Variants in RIMS2 observed in about 807,000 individuals in gnomAD.
RIMS2 encodes regulating synaptic membrane exocytosis protein 2.
RIMS2 carries 59 observed loss-of-function variants against 174.4 expected under a neutral mutation model. The ratio of observed to expected loss-of-function variants is 0.34; its 90% CI spans 0.27 to 0.42. The LOEUF (loss-of-function observed/expected upper bound fraction) is 0.42, where lower values mean the gene tolerates loss of function less well. Among genes scored for constraint, RIMS2 ranks in the 10% least tolerant of loss-of-function variants. The probability of loss-of-function intolerance (pLI) is 1.00; values close to 1 mark genes in which losing one functional copy is unlikely to be tolerated. For synonymous variants in RIMS2, 606 were observed against 572.5 expected, an observed-to-expected ratio of 1.06 and a Z score of -0.84; for missense variants, 1,620 against 1,666.3, an observed-to-expected ratio of 0.97 and a Z score of 0.48.
rs2081336827 is a variant in RIMS2, at chr8:103,936,771, C to A, written c.2547+49C>A. ...TATGCTATTCATGTTATCCTGAATA[C>A]TTTTATTTATATAACTGTCAGTATA... is the stretch of plus-strand genomic sequence containing the variant. On this transcript the variant is annotated intron_variant, in intron 13 of 23. Coordinates refer to ENST00000504942, the Ensembl canonical transcript of RIMS2. The A allele has an allele frequency of 3.8e-6, 5 of 1,322,500 alleles. No individual in the cohort carries two copies. The East Asian group carries it at 1.2e-4, about 33-fold the overall frequency. The allele number at this position is 1,322,500 out of a possible 1,614,324, so 81.9% of individuals were successfully genotyped here.
chr8:103,572,040 C>T (rs1385595375), intron 1 of RIMS2, among the ~76,000 whole-genome samples: 1 of 152,048 alleles, frequency 6.6e-6, no homozygotes, highest in Non-Finnish European at 1.5e-5. Flanking sequence ...AGCCACGGAC[C>T]CTCGCAGTGA....
chr8:103,644,068 T>C (rs956053571), intron 1 of RIMS2, among the ~76,000 whole-genome samples: 3 of 151,988 alleles, frequency 2.0e-5, no homozygotes, highest in African/African-American at 7.2e-5. Flanking sequence ...TTTTCTCTGA[T>C]TTTCACCGAG....
Position 103,916,557 on chromosome 8 carries a change from TTA to T in RIMS2, c.2036+24_2036+25del. ...TATTGGGTAAGTTGGTTTCAGTATT[TTA>T]TATGTGTGTGAAGTTGAATAGTGTT... On this transcript the variant is annotated intron_variant, in intron 8 of 23. Coordinates refer to ENST00000504942, the Ensembl canonical transcript of RIMS2. 6.3e-7 allele frequency: 1 copy of T among 1,588,248 alleles called. No individual in the cohort carries two copies. Among genetic ancestry groups the T allele is most frequent in the Non-Finnish European group, 8.6e-7 (1 of 1,168,638 alleles).
At chr8:103,607,197 G>C (rs758375687) in intron 1 of RIMS2, among the ~76,000 whole-genome samples, 2 of 152,084 alleles carry the variant, frequency 1.3e-5, no homozygotes, top group Non-Finnish European at 1.5e-5. Context: ...GGCAGGCCTC[G>C]TGGTGACAAA....
chr8:103,637,912 T>C (rs1483342364), intron 1 of RIMS2, among the ~76,000 whole-genome samples: 1 of 152,192 alleles, frequency 6.6e-6, no homozygotes, highest in Admixed American at 6.5e-5. Flanking sequence ...TGAAGAATAC[T>C]GGTGAAAGTT....
intron 19 of RIMS2, among the ~76,000 whole-genome samples, chr8:104,203,368 A>G (rs1023854810): frequency 6.6e-6 from 1 of 152,154 alleles, no homozygotes; most frequent in African/African-American, 2.4e-5. Flanking sequence ...ACCCAAACAC[A>G]GAAACCTATT....
intron 3 of RIMS2, among the ~76,000 whole-genome samples, chr8:103,822,439 C>T (rs1488915085): frequency 6.6e-6 from 1 of 151,534 alleles, no homozygotes; most frequent in Non-Finnish European, 1.5e-5. Context: ...TGTCATAAGT[C>T]CCCAAAGTGG....
intron 19 of RIMS2, among the ~76,000 whole-genome samples, chr8:104,135,127 A>T (rs1055168932): frequency 2.6e-5 from 4 of 152,190 alleles, no homozygotes; most frequent in Admixed American, 2.6e-4. Flanking sequence ...TTTCTCTATG[A>T]AATGTAAGGA....
At chr8:103,646,225 C>G (rs149016151) in intron 1 of RIMS2, among the ~76,000 whole-genome samples, 1 of 152,074 alleles carries the variant, frequency 6.6e-6, no homozygotes, top group East Asian at 1.9e-4. Context: ...GAGCAGGCCA[C>G]AGGGGATATG....
intron 2 of RIMS2, among the ~76,000 whole-genome samples, chr8:103,709,348 T>A (rs1019208037): frequency 2.3e-4 from 35 of 151,690 alleles, no homozygotes; most frequent in African/African-American, 8.5e-4. Flanking sequence ...GGGTTTTTTT[T>A]TTTTTTTTGT....
chr8:103,886,261 A>G (rs1389680448), intron 4 of RIMS2, 38 bp downstream of exon 7: 2 of 1,531,470 alleles, frequency 1.3e-6, no homozygotes, highest in Non-Finnish European at 8.8e-7. Context: ...GTAATTGATT[A>G]GATAAGCGTT....
intron 1 of RIMS2, among the ~76,000 whole-genome samples, chr8:103,578,690 T>C (rs1016086721): frequency 3.3e-5 from 5 of 151,822 alleles, no homozygotes; most frequent in Non-Finnish European, 5.9e-5. Flanking sequence ...AAGGAAAAAA[T>C]CTGCTGTTTT....
At chr8:103,821,246 A>G (rs1187866960) in intron 3 of RIMS2, among the ~76,000 whole-genome samples, 1 of 151,610 alleles carries the variant, frequency 6.6e-6, no homozygotes, top group Admixed American at 6.6e-5. Flanking sequence ...CATGCCTATA[A>G]TTTCAGTAAG....
At chr8:103,524,079 T>G (rs1832895782) in intron 1 of RIMS2, among the ~76,000 whole-genome samples, 1 of 152,194 alleles carries the variant, frequency 6.6e-6, no homozygotes, top group African/African-American at 2.4e-5. Context: ...TAAAGATTTA[T>G]AGTTTCAGAG....
intron 1 of RIMS2, among the ~76,000 whole-genome samples, chr8:103,622,036 T>G (rs2095647356): frequency 6.6e-6 from 1 of 152,188 alleles, no homozygotes; most frequent in Non-Finnish European, 1.5e-5. Flanking sequence ...GTATCATTTT[T>G]TAAAATTATC....
chr8:103,956,765 C>T (rs2087398702), intron 14 of RIMS2, among the ~76,000 whole-genome samples: 1 of 152,140 alleles, frequency 6.6e-6, no homozygotes, highest in Non-Finnish European at 1.5e-5. Flanking sequence ...TCTGACTAAA[C>T]TAAAGGGCTT....
intron 19 of RIMS2, among the ~76,000 whole-genome samples, chr8:104,112,721 G>T (rs965609662): frequency 6.6e-6 from 1 of 152,154 alleles, no homozygotes; most frequent in African/African-American, 2.4e-5. Flanking sequence ...TGAAATTTTA[G>T]GTTCATGGGA....
intron 19 of RIMS2, among the ~76,000 whole-genome samples, chr8:104,212,554 A>G (rs1244968996): frequency 6.6e-6 from 1 of 152,192 alleles, no homozygotes; most frequent in Non-Finnish European, 1.5e-5. Flanking sequence ...CCTTCTAAAG[A>G]GCAGTTTAAT....
chr8:103,966,448 T>C (rs2091850235), intron 15 of RIMS2, among the ~76,000 whole-genome samples: 1 of 152,138 alleles, frequency 6.6e-6, no homozygotes, highest in Non-Finnish European at 1.5e-5. Context: ...CCTTTTAATG[T>C]CCGTGGGATC....
Sources: allele counts gnomAD v4.1 joint callset (sites outside exome capture counted in the v4.1 genomes callset), GRCh38; gene constraint gnomAD v4.1.1; transcripts MANE v1.5; gene names NCBI Gene and HGNC (gene_info 2026-07-23, HGNC 2026-07-21).